The following DRC11L variants were observed in gnomAD, a reference collection of about 807,000 sequenced individuals.
DRC11L encodes the protein dynein regulatory complex subunit 11 like, also known as dynein regulatory complex subunit like-11.
At chr7:151,205,448 C>T in the DRC11L span, 1 of 399,230 alleles carries the variant, frequency 2.5e-6, no homozygotes, top group East Asian at 3.6e-5. Flanking sequence ...ACTCACCCCT[C>T]AGACATTGTG....
chr7:151,204,921 G>C, the DRC11L span: 1 of 398,826 alleles, frequency 2.5e-6, no homozygotes, highest in Non-Finnish European at 4.4e-6. Flanking sequence ...AGGAGTGTGG[G>C]CTCGGGGTAC....
chr7:151,195,482 T>C, the DRC11L span: 1 of 399,464 alleles, frequency 2.5e-6, no homozygotes, highest in African/African-American at 2.1e-5. Context: ...TTCCCAGGTG[T>C]TTTCTGGTTG....
the DRC11L span, chr7:151,192,813 T>C: frequency 2.5e-6 from 1 of 399,124 alleles, no homozygotes; most frequent in Non-Finnish European, 4.4e-6. Flanking sequence ...CACAGAGGGC[T>C]GTAGGAGTCG....
At chr7:151,201,346 T>C in the DRC11L span, among the ~76,000 whole-genome samples, 3 of 152,244 alleles carry the variant, frequency 2.0e-5, no homozygotes, top group African/African-American at 7.2e-5. This position sits in a 1 kb window ranked among gnomAD's most constrained non-coding sequence, Gnocchi z 4.1. Flanking sequence ...GCAATATTTC[T>C]GTACTCTTGA....
the DRC11L span, chr7:151,194,670 G>A: frequency 1.3e-5 from 5 of 398,852 alleles, no homozygotes; most frequent in Non-Finnish European, 2.2e-5. Context: ...CAGGGAAATG[G>A]AGGCAGAGAT....
chr7:151,196,456 G>C, the DRC11L span: 2 of 399,134 alleles, frequency 5.0e-6, no homozygotes, highest in African/African-American at 4.1e-5. Flanking sequence ...ACCTGTATCC[G>C]GATCTCCAGC....
At chr7:151,194,098 G>C in the DRC11L span, among the ~76,000 whole-genome samples, 2 of 151,928 alleles carry the variant, frequency 1.3e-5, no homozygotes, top group African/African-American at 4.8e-5. Flanking sequence ...GGCCCAATCT[G>C]GGTGTGACCT....
the DRC11L span, among the ~76,000 whole-genome samples, chr7:151,194,786 C>A: frequency 6.6e-6 from 1 of 152,188 alleles, no homozygotes; most frequent in Non-Finnish European, 1.5e-5. Context: ...GGTATGGCAC[C>A]AAATCACTGT....
At chr7:151,197,573 C>T in the DRC11L span, among the ~76,000 whole-genome samples, 1 of 152,210 alleles carries the variant, frequency 6.6e-6, no homozygotes. Flanking sequence ...ACTGTTCTCT[C>T]TTGGGCCACG....
chr7:151,196,818 C>T, the DRC11L span, among the ~76,000 whole-genome samples: 1 of 152,204 alleles, frequency 6.6e-6, no homozygotes, highest in Non-Finnish European at 1.5e-5. Flanking sequence ...CCCGAAGAAG[C>T]ACACCATACC....
chr7:151,196,380 G>A, the DRC11L span: 4 of 399,034 alleles, frequency 1.0e-5, no homozygotes, highest in African/African-American at 6.2e-5. Flanking sequence ...AATCTGGCTG[G>A]AAATGTGGGT....
chr7:151,192,962 C>T, the DRC11L span: 4 of 398,022 alleles, frequency 1.0e-5, no homozygotes, highest in Middle Eastern at 6.2e-4. Context: ...CCACTCCCCA[C>T]ACCTGGAAGT....
chr7:151,195,696 G>T, the DRC11L span: 1 of 399,456 alleles, frequency 2.5e-6, no homozygotes, highest in South Asian at 1.3e-4. Flanking sequence ...GGTGGCCTGG[G>T]GCTGGGAGGA....
the DRC11L span, among the ~76,000 whole-genome samples, chr7:151,193,824 C>T: frequency 6.6e-5 from 10 of 150,806 alleles, no homozygotes; most frequent in South Asian, 2.1e-4. Flanking sequence ...CTGAAAGGCA[C>T]GGGACACGGG....
the DRC11L span, chr7:151,196,886 G>A: frequency 2.5e-6 from 1 of 398,914 alleles, no homozygotes; most frequent in Non-Finnish European, 4.4e-6. Flanking sequence ...GCCACTTCAT[G>A]GTCCGTGTGC....
At chr7:151,203,926 G>A in the DRC11L span, among the ~76,000 whole-genome samples, 1 of 152,340 alleles carries the variant, frequency 6.6e-6, no homozygotes, top group African/African-American at 2.4e-5. Flanking sequence ...TCTTGGATAT[G>A]AAGCAGTTAC....
the DRC11L span, chr7:151,204,731 G>C: frequency 2.5e-6 from 1 of 399,094 alleles, no homozygotes; most frequent in South Asian, 1.3e-4. Context: ...GCCTGTACTG[G>C]AAGGACTGCC....
the DRC11L span, chr7:151,195,317 C>T: frequency 2.2e-4 from 87 of 398,348 alleles, 2 homozygotes; most frequent in East Asian, 1.4e-3. Context: ...AGAGGGAAAG[C>T]GACTTTCCCA....
the DRC11L span, chr7:151,193,472 A>G: frequency 1.9e-4 from 76 of 399,372 alleles, no homozygotes; most frequent in African/African-American, 1.5e-3. Context: ...TGGGGCCATG[A>G]TGTGGATATC....
Sources: gnomAD v4.1 joint callset for allele counts (sites outside exome capture counted in the v4.1 genomes callset) on GRCh38, gnomAD v4.1.1 for gene constraint, Gnocchi (gnomAD v3.1) non-coding constraint, MANE v1.5 for transcripts, NCBI Gene and HGNC (gene_info 2026-07-23, HGNC 2026-07-21) for gene names.